The following EPB41L3 variants were observed in gnomAD, a reference collection of about 807,000 sequenced individuals.
EPB41L3 encodes the protein erythrocyte membrane protein band 4.1 like 3, also known as band 4.1-like protein 3.
EPB41L3 carries 57 observed loss-of-function variants against 127.1 expected under a neutral mutation model. That is an observed-to-expected ratio of 0.45 (90% CI 0.36 to 0.56). EPB41L3 has a LOEUF of 0.56. Among genes scored for constraint, EPB41L3 ranks in the 20% least tolerant of loss-of-function variants. The pLI is 0.00. For synonymous variants in EPB41L3, 572 were observed against 549.5 expected, an observed-to-expected ratio of 1.04 and a Z score of -0.57; for missense variants, 1,273 against 1,372.2, an observed-to-expected ratio of 0.93 and a Z score of 1.14.
intron 3 of EPB41L3, among the ~76,000 whole-genome samples, chr18:5,600,306 T>C (rs1403112967): frequency 6.6e-6 from 1 of 152,162 alleles, no homozygotes; most frequent in Non-Finnish European, 1.5e-5. Flanking sequence ...AAAGGTAATG[T>C]TTACAACCTA....
chr18:5,421,592 T>C (rs1248715708), intron 11 of EPB41L3, among the ~76,000 whole-genome samples: 4 of 152,198 alleles, frequency 2.6e-5, no homozygotes, highest in Non-Finnish European at 5.9e-5. Flanking sequence ...AGAATAATTA[T>C]GAATATAAAA....
At chr18:5,628,626 G>A (rs2094950995) in intron 1 of EPB41L3, among the ~76,000 whole-genome samples, 2 of 152,228 alleles carry the variant, frequency 1.3e-5, no homozygotes, top group South Asian at 4.1e-4. Flanking sequence ...AGGCTTTTCT[G>A]GCGCAAAGGT....
chr18:5,408,874 G>T (rs374666713), intron 14 of EPB41L3, among the ~76,000 whole-genome samples: 1 of 152,328 alleles, frequency 6.6e-6, no homozygotes, highest in East Asian at 1.9e-4. Context: ...CAGCAAAGCT[G>T]TGTCTCTCAC....
chr18:5,623,614 T>C (rs1438339615), intron 1 of EPB41L3, among the ~76,000 whole-genome samples: 2 of 152,086 alleles, frequency 1.3e-5, no homozygotes, highest in African/African-American at 4.8e-5. Context: ...CCCAAATATA[T>C]AGTATACACA....
intron 1 of EPB41L3, among the ~76,000 whole-genome samples, chr18:5,503,735 A>AT (rs2091934316): frequency 6.6e-6 from 1 of 152,224 alleles, no homozygotes. Flanking sequence ...GATTACTATG[A>AT]CAAAGTTGGT....
chr18:5,630,599 C>A (rs764920023), upstream of EPB41L3: 1 of 489,028 alleles, frequency 2.0e-6, no homozygotes, highest in Non-Finnish European at 4.1e-6. Flanking sequence ...CAGACCCGGG[C>A]TCCTCCCGCA....
chr18:5,503,828 TAC>T lies in EPB41L3; in HGVS notation c.-11-14636_-11-14635del, dbSNP rs1244509386. The stretch of plus-strand genomic sequence containing the variant: ...GTTTATTTGGAAGGTATATGCTGAC[TAC>T]ACTCTTGAATTTTAAGATCTTAAGG... On this transcript the variant is annotated intron_variant, in intron 1 of 22. Transcript: ENST00000341928. Among the ~76,000 whole-genome samples, 4 of 152,232 alleles carry T rather than the reference TAC, an allele frequency of 2.6e-5. 1 individual carries two copies. The highest frequency in any genetic ancestry group is 5.9e-5 in the Non-Finnish European group (4 of 68,034).
At position 5,395,164 on chromosome 18, in the gene EPB41L3, G is replaced by A; in HGVS notation, c.3073-17C>T. On this transcript the variant is annotated splice_polypyrimidine_tract_variant and intron_variant, in intron 20 of 22. Transcript: ENST00000341928. ...TTTCACAGTCTGCAAGACACGTAGA[G>A]AAGCTTTATGAATTTACTCACTGGG... The A allele has an allele frequency of 6.2e-7, 1 of 1,609,884 alleles. No homozygotes were observed. Among genetic ancestry groups the A allele is most frequent in the Non-Finnish European group, 8.5e-7 (1 of 1,176,108 alleles).
At chr18:5,400,296 A>G (rs985793321) in intron 16 of EPB41L3, 7 of 284,110 alleles carry the variant, frequency 2.5e-5, no homozygotes, top group Non-Finnish European at 4.9e-5. Flanking sequence ...ATAGCTTCAC[A>G]GATTACAGAG....
chr18:5,617,025 A>C (rs1429136475), intron 1 of EPB41L3, among the ~76,000 whole-genome samples: 1 of 152,232 alleles, frequency 6.6e-6, no homozygotes, highest in Non-Finnish European at 1.5e-5. Context: ...CATATCTTTA[A>C]AAGATAATGC....
intron 3 of EPB41L3, among the ~76,000 whole-genome samples, chr18:5,600,975 T>C (rs528351336): frequency 1.3e-4 from 20 of 152,294 alleles, no homozygotes; most frequent in African/African-American, 4.6e-4. Context: ...ACTCAGCTAA[T>C]TCATGGCATT....
intron 1 of EPB41L3, among the ~76,000 whole-genome samples, chr18:5,506,467 A>G (rs969854637): frequency 2.6e-5 from 4 of 152,072 alleles, no homozygotes; most frequent in Admixed American, 2.0e-4. Flanking sequence ...ACTGTGTTCA[A>G]GTCTTTGCTC....
Position 5,538,627 on chromosome 18 carries a change from G to A in EPB41L3, c.-12+5286C>T, listed in dbSNP as rs148048044. 8.8e-3 allele frequency among the ~76,000 whole-genome samples: 1,337 copies of A among 152,298 alleles called. 14 individuals are homozygous for A. The highest frequency in any genetic ancestry group is 0.015 in the Non-Finnish European group (1,015 of 68,028). ...TTTTCCTCTCTTTAGTTGAATGCTA[G>A]GAGATCAATATCATCTCCCAGCACT... On this transcript the variant is annotated intron_variant, in intron 1 of 22. Coordinates refer to ENST00000341928, the MANE Select transcript of EPB41L3 (RefSeq NM_012307.5).
intron 1 of EPB41L3, among the ~76,000 whole-genome samples, chr18:5,496,884 G>A (rs987045120): frequency 6.6e-6 from 1 of 152,222 alleles, no homozygotes; most frequent in African/African-American, 2.4e-5. Flanking sequence ...GGTCTCTGCT[G>A]TAGTGGAGCC....
intron 3 of EPB41L3, among the ~76,000 whole-genome samples, chr18:5,572,958 G>T (rs768270910): frequency 1.1e-4 from 17 of 152,144 alleles, no homozygotes; most frequent in African/African-American, 4.1e-4. Flanking sequence ...CTGGTATTTA[G>T]AGAGATGTTG....
rs193242117 is a variant in EPB41L3 at position 5,615,469 on chromosome 18, A to C, written c.-467-1046T>G. ...GGGGAGGTGGGGATGGCTAATGGGTACAAAAAAACTACTTAGAATGAGTAA... is the reference window on the plus strand; with the variant it reads ...GGGGAGGTGGGGATGGCTAATGGGTCCAAAAAAACTACTTAGAATGAGTAA... On this transcript the variant is annotated intron_variant, in intron 1 of 21. Coordinates refer to the EPB41L3 transcript ENST00000545076. Among the ~76,000 whole-genome samples the C allele has an allele frequency of 3.2e-3, 491 of 152,328 alleles. 2 individuals are homozygous for C. Among genetic ancestry groups the C allele is most frequent in the Non-Finnish European group, 4.4e-3 (302 of 68,026 alleles).
At chr18:5,427,896 C>A (rs1021012821) in intron 9 of EPB41L3, among the ~76,000 whole-genome samples, 8 of 152,060 alleles carry the variant, frequency 5.3e-5, no homozygotes, top group Non-Finnish European at 2.9e-5. Context: ...TAGGCACCTG[C>A]CACTACGCCC....
intron 3 of EPB41L3, among the ~76,000 whole-genome samples, chr18:5,465,047 G>A (rs1396025193): frequency 6.6e-6 from 1 of 152,128 alleles, no homozygotes; most frequent in African/African-American, 2.4e-5. Context: ...AATATATTCA[G>A]GCTTGTTAAA....
chr18:5,401,289 A>C (rs2143234168), intron 16 of EPB41L3, among the ~76,000 whole-genome samples: 1 of 152,278 alleles, frequency 6.6e-6, no homozygotes, highest in Admixed American at 6.5e-5. Flanking sequence ...TTTGGGGTTA[A>C]CTTTGGTGTT....
Sources: gnomAD v4.1 joint callset for allele counts (sites outside exome capture counted in the v4.1 genomes callset) on GRCh38, gnomAD v4.1.1 for gene constraint, MANE v1.5 for transcripts, NCBI Gene and HGNC (gene_info 2026-07-23, HGNC 2026-07-21) for gene names.